Variants in RGS7 observed in about 807,000 individuals in gnomAD.
The protein encoded by RGS7 is regulator of G-protein signaling 7.
RGS7 carries 27 observed loss-of-function variants against 81.1 expected under a neutral mutation model. The ratio of observed to expected loss-of-function variants is 0.33; its 90% CI spans 0.25 to 0.46. The LOEUF (loss-of-function observed/expected upper bound fraction) is 0.46, where lower values mean the gene tolerates loss of function less well. Ranked by LOEUF, RGS7 falls within the 20% of genes least tolerant of loss-of-function variation. The pLI, the probability that RGS7 is intolerant of heterozygous loss-of-function variation, is 1.00. For synonymous variants in RGS7, 208 were observed against 207.7 expected (o/e 1.00, Z -0.01); for missense variants, 396 against 607.4 (o/e 0.65, Z 3.66).
chr1:241,175,014 C>A (rs5022282), intron 2 of RGS7, among the ~76,000 whole-genome samples: 3 of 150,768 alleles, frequency 2.0e-5, no homozygotes, highest in African/African-American at 7.3e-5. Flanking sequence ...GTGATTCTCC[C>A]GCCTCAGCCT....
At chr1:240,954,839 G>A (rs374010638) in intron 4 of RGS7, among the ~76,000 whole-genome samples, 51 of 152,198 alleles carry the variant, frequency 3.4e-4, no homozygotes, top group African/African-American at 1.2e-3. Flanking sequence ...AATTGTCTAC[G>A]TAGAAAATCC....
intron 6 of RGS7, among the ~76,000 whole-genome samples, chr1:240,922,320 G>T (rs1025346964): frequency 6.6e-6 from 1 of 151,964 alleles, no homozygotes; most frequent in African/African-American, 2.4e-5. Context: ...GTTTGGCAAT[G>T]ACTTTTTAGA....
chr1:241,089,063 C>CTCTCTCTCTCTCTATATATATATATA (rs1374552672), intron 3 of RGS7, among the ~76,000 whole-genome samples: 1 of 23,682 alleles, frequency 4.2e-5, no homozygotes, highest in African/African-American at 2.3e-4. Flanking sequence ...CTCTCTCTCT[C>CTCTCTCTCTCTCTATATATATATATA]TATATATATA....
Position 241,129,885 on chromosome 1 carries a change from C to G in RGS7, c.79-31123G>C, listed in dbSNP as rs143799725. 3.1e-3 allele frequency among the ~76,000 whole-genome samples: 472 copies of G among 152,232 alleles called. 12 individuals are homozygous for G. The East Asian group carries it at 0.059, about 19-fold the overall frequency. ...TGGGGGAGGTGGCTCAGGTAATCAACCAAAGTGCATCTGAGATCTAATATT... is the reference window on the plus strand; with the variant it reads ...TGGGGGAGGTGGCTCAGGTAATCAAGCAAAGTGCATCTGAGATCTAATATT... On this transcript the variant is annotated intron_variant, in intron 2 of 18. Coordinates refer to ENST00000440928, the MANE Select transcript of RGS7 (RefSeq NM_001364886.1).
chr1:240,863,430 G>A (rs944434703), intron 9 of RGS7, among the ~76,000 whole-genome samples: 8 of 152,040 alleles, frequency 5.3e-5, no homozygotes, highest in Non-Finnish European at 7.4e-5. Flanking sequence ...AGGTAAGATC[G>A]CACCACTGCA....
intron 4 of RGS7, among the ~76,000 whole-genome samples, chr1:240,967,110 G>A (rs962275848): frequency 1.3e-5 from 2 of 152,148 alleles, no homozygotes; most frequent in African/African-American, 4.8e-5. Flanking sequence ...TGTCAACAGG[G>A]GTGGTGTTTG....
intron 3 of RGS7, among the ~76,000 whole-genome samples, chr1:241,083,258 C>CAAAAT (rs2063249548): frequency 8.0e-6 from 1 of 124,920 alleles, no homozygotes; most frequent in South Asian, 2.3e-4. Flanking sequence ...GAAAAAGAAA[C>CAAAAT]AAAACAAAAC....
intron 3 of RGS7, among the ~76,000 whole-genome samples, chr1:241,055,606 G>C (rs2061437471): frequency 6.6e-6 from 1 of 152,156 alleles, no homozygotes; most frequent in East Asian, 1.9e-4. Flanking sequence ...GGCAGGAAGG[G>C]GCATGGAGCT....
intron 2 of RGS7, among the ~76,000 whole-genome samples, chr1:241,330,681 T>C (rs1305925823): frequency 6.6e-6 from 1 of 152,234 alleles, no homozygotes; most frequent in Admixed American, 6.5e-5. Flanking sequence ...TATTTGTTTA[T>C]GGAAACTCTC....
chr1:240,980,218 C>G (rs1684719975), intron 4 of RGS7, among the ~76,000 whole-genome samples: 1 of 152,110 alleles, frequency 6.6e-6, no homozygotes, highest in Admixed American at 6.5e-5. Flanking sequence ...ATTAAGTGCT[C>G]ATTGATAAAA....
At chr1:241,076,663 C>G (rs1310542984) in intron 3 of RGS7, among the ~76,000 whole-genome samples, 2 of 152,114 alleles carry the variant, frequency 1.3e-5, no homozygotes. Context: ...TAGATACAAA[C>G]TGAGTGTATA....
intron 4 of RGS7, among the ~76,000 whole-genome samples, chr1:240,944,418 C>A (rs1160758834): frequency 6.7e-6 from 1 of 150,250 alleles, no homozygotes; most frequent in African/African-American, 2.5e-5. Flanking sequence ...ATCACAATGG[C>A]AAGGGCCAGG....
intron 2 of RGS7, among the ~76,000 whole-genome samples, chr1:241,307,413 G>A (rs999241427): frequency 3.3e-5 from 5 of 152,162 alleles, no homozygotes; most frequent in African/African-American, 1.2e-4. Flanking sequence ...TTTTTTGAGT[G>A]CATCAATTAT....
intron 3 of RGS7, among the ~76,000 whole-genome samples, chr1:241,094,973 TA>T (rs1322975335): frequency 4.6e-5 from 7 of 152,178 alleles, no homozygotes; most frequent in Admixed American, 4.6e-4. Context: ...AGCTTGGGAG[TA>T]AAGGAAGGAG....
chr1:240,987,600 G>A (rs1391763595), intron 3 of RGS7, among the ~76,000 whole-genome samples: 2 of 148,930 alleles, frequency 1.3e-5, no homozygotes, highest in African/African-American at 5.0e-5. Context: ...TCACCTCATC[G>A]CAGCCTCAAC....
rs367792865 is a variant in RGS7, at chr1:241,155,662, GT to G, written c.79-56901del. Among the ~76,000 whole-genome samples the G allele has an allele frequency of 2.2e-3, 327 of 151,534 alleles. 2 individuals are homozygous for G. The highest frequency in any genetic ancestry group is 7.6e-3 in the African/African-American group (315 of 41,334). ...CACCTTTTAAATAAGGTTGTCAAAG[GT>G]TAAGTATGTTTGAGGTAAAATTATT... On this transcript the variant is annotated intron_variant, in intron 2 of 18. Transcript: ENST00000440928.
At chr1:241,057,688 T>G (rs1558656219) in intron 3 of RGS7, among the ~76,000 whole-genome samples, 1 of 151,878 alleles carries the variant, frequency 6.6e-6, no homozygotes, top group Non-Finnish European at 1.5e-5. Context: ...CCGAGGTGGG[T>G]GGATCCCTTG....
At chr1:241,225,262 CAT>C (rs1404819526) in intron 2 of RGS7, among the ~76,000 whole-genome samples, 2 of 152,214 alleles carry the variant, frequency 1.3e-5, no homozygotes, top group East Asian at 1.9e-4. Flanking sequence ...AAGCAAAATA[CAT>C]GTTAGATATA....
chr1:240,940,040 A>G (rs1426300818), intron 4 of RGS7, among the ~76,000 whole-genome samples: 2 of 152,216 alleles, frequency 1.3e-5, no homozygotes, highest in Admixed American at 6.5e-5. Flanking sequence ...AGATCACGCC[A>G]CTGCACTCCA....
Sources: gnomAD v4.1 joint callset for allele counts (sites outside exome capture counted in the v4.1 genomes callset) on GRCh38, gnomAD v4.1.1 for gene constraint, MANE v1.5 for transcripts, NCBI Gene and HGNC (gene_info 2026-07-23, HGNC 2026-07-21) for gene names.